IFT56: variants seen among roughly 807,000 people sequenced by gnomAD.
The protein encoded by IFT56 is intraflagellar transport 56.
the IFT56 span, chr7:139,168,567 GACAAAAAAAAAAA>G: frequency 8.0e-6 from 3 of 376,240 alleles, no homozygotes; most frequent in Non-Finnish European, 1.4e-5. Context: ...GTTATTTAGA[GACAAAAAAAAAAA>G]ACAAAAAAAA....
chr7:139,172,612 C>T, the IFT56 span: 53 of 592,684 alleles, frequency 8.9e-5, no homozygotes, highest in Non-Finnish European at 1.6e-4. Context: ...CTGCTAAAAA[C>T]CTCAAATAGA....
the IFT56 span, chr7:139,190,097 C>T: frequency 6.6e-6 from 1 of 152,180 alleles, no homozygotes; most frequent in East Asian, 1.9e-4. Context: ...ATTGTAGTAC[C>T]TCTAAAGGTA....
chr7:139,180,829 T>C, the IFT56 span, among the ~76,000 whole-genome samples: 1 of 152,250 alleles, frequency 6.6e-6, no homozygotes. Flanking sequence ...TATCCTCTTT[T>C]AAGCATATGA....
At chr7:139,177,622 G>GTGTGTA in the IFT56 span, among the ~76,000 whole-genome samples, 4 of 151,582 alleles carry the variant, frequency 2.6e-5, no homozygotes, top group African/African-American at 9.7e-5. Flanking sequence ...GTGTGTGTGT[G>GTGTGTA]TGTGTGTGTA....
chr7:139,167,965 A>G, the IFT56 span, among the ~76,000 whole-genome samples: 1 of 151,958 alleles, frequency 6.6e-6, no homozygotes, highest in Non-Finnish European at 1.5e-5. Flanking sequence ...ATTGGAAAAG[A>G]AAAATAATAT....
At chr7:139,151,739 A>G in the IFT56 span, among the ~76,000 whole-genome samples, 1 of 152,206 alleles carries the variant, frequency 6.6e-6, no homozygotes, top group African/African-American at 2.4e-5. Context: ...CTGTTTCTTT[A>G]TGTTTAGTGC....
the IFT56 span, among the ~76,000 whole-genome samples, chr7:139,135,294 A>AAAAAC: frequency 2.9e-5 from 4 of 139,050 alleles, no homozygotes; most frequent in East Asian, 4.3e-4. Context: ...AAAAAAAAAA[A>AAAAAC]AAAACAAAAC....
the IFT56 span, chr7:139,172,373 A>C: frequency 3.0e-6 from 1 of 334,578 alleles, no homozygotes; most frequent in Non-Finnish European, 5.7e-6. Flanking sequence ...TGGGCAACTC[A>C]GGGCCTACCT....
chr7:139,133,920 G>A, the IFT56 span: 17 of 1,603,788 alleles, frequency 1.1e-5, no homozygotes, highest in Admixed American at 1.7e-5. Flanking sequence ...GGCGATTAGA[G>A]GTTCCCAGCA....
chr7:139,146,871 AG>A, the IFT56 span: 4 of 646,206 alleles, frequency 6.2e-6, no homozygotes, highest in Admixed American at 3.3e-5. Flanking sequence ...GAAAATATAA[AG>A]AAAAAGAAAA....
At chr7:139,145,191 G>C in the IFT56 span, among the ~76,000 whole-genome samples, 3 of 152,200 alleles carry the variant, frequency 2.0e-5, no homozygotes, top group East Asian at 5.8e-4. Context: ...GGTCCCAACT[G>C]ATAGCTTGGT....
the IFT56 span, among the ~76,000 whole-genome samples, chr7:139,180,336 A>G: frequency 6.6e-6 from 1 of 152,032 alleles, no homozygotes; most frequent in African/African-American, 2.4e-5. Context: ...ACTCCGTCTC[A>G]AAAAAAGAAA....
chr7:139,141,129 C>CG, the IFT56 span, among the ~76,000 whole-genome samples: 1 of 149,236 alleles, frequency 6.7e-6, no homozygotes. Context: ...GGCGTGGTGG[C>CG]GGGCGCCTGT....
chr7:139,177,072 T>C, the IFT56 span, among the ~76,000 whole-genome samples: 6 of 151,094 alleles, frequency 4.0e-5, no homozygotes, highest in African/African-American at 1.5e-4. Context: ...CTTGGGAGGC[T>C]GAGGTAGGAG....
the IFT56 span, chr7:139,178,680 A>G: frequency 2.9e-5 from 37 of 1,275,954 alleles, no homozygotes; most frequent in African/African-American, 5.2e-4. Flanking sequence ...AAAATGGTCA[A>G]GGGTTAAGGA....
the IFT56 span, chr7:139,137,841 C>T: frequency 6.2e-7 from 1 of 1,609,036 alleles, no homozygotes; most frequent in Non-Finnish European, 8.5e-7. Context: ...CATTTTTAAC[C>T]TGAAGTTCAA....
the IFT56 span, chr7:139,165,124 A>G: frequency 6.2e-7 from 1 of 1,606,452 alleles, no homozygotes; most frequent in Non-Finnish European, 8.5e-7. Flanking sequence ...TGATTTCTGT[A>G]TCTCTAGGTT....
At chr7:139,146,608 A>G in the IFT56 span, among the ~76,000 whole-genome samples, 1 of 152,036 alleles carries the variant, frequency 6.6e-6, no homozygotes, top group Non-Finnish European at 1.5e-5. Flanking sequence ...TCTACCAAAG[A>G]TACAAAAAAT....
chr7:139,181,225 C>A, the IFT56 span: 1 of 1,517,102 alleles, frequency 6.6e-7, no homozygotes, highest in Non-Finnish European at 9.1e-7. Flanking sequence ...CTAAAGGGAA[C>A]ATTAAAGATT....
Sources: allele counts gnomAD v4.1 joint callset (sites outside exome capture counted in the v4.1 genomes callset), GRCh38; gene constraint gnomAD v4.1.1; transcripts MANE v1.5; gene names NCBI Gene and HGNC (gene_info 2026-07-23, HGNC 2026-07-21).